The following STARD13 variants were observed in gnomAD, a reference collection of about 807,000 sequenced individuals.
STARD13 encodes StAR related lipid transfer domain containing 13.
Under a neutral mutation model 106.4 loss-of-function variants are expected in STARD13, and 62 were observed. That is an observed-to-expected ratio of 0.58 (90% CI 0.48 to 0.72). STARD13 has a LOEUF of 0.72. STARD13 is among the 30% of genes least tolerant of loss of function. The pLI is 0.00. For synonymous variants in STARD13, 565 were observed against 553.0 expected (o/e 1.02, Z -0.31); for missense variants, 1,387 against 1,424.0 (o/e 0.97, Z 0.42).
At chr13:33,216,968 G>A (rs1888081530) in intron 1 of STARD13, among the ~76,000 whole-genome samples, 1 of 152,182 alleles carries the variant, frequency 6.6e-6, no homozygotes, top group Admixed American at 6.5e-5. Context: ...TTAGTTTTGG[G>A]TTAAATGGAG....
chr13:33,220,361 A>C (rs747596678), intron 1 of STARD13, among the ~76,000 whole-genome samples: 41 of 152,340 alleles, frequency 2.7e-4, no homozygotes, highest in African/African-American at 4.1e-4. Context: ...TAGACAATGA[A>C]TATTAGCTAT....
chr13:33,560,910 C>T, the STARD13 span, among the ~76,000 whole-genome samples: 13 of 151,442 alleles, frequency 8.6e-5, no homozygotes, highest in Non-Finnish European at 1.8e-4. Context: ...ATTCTGCAAT[C>T]TGTTGACAAT....
chr13:33,600,388 A>G, the STARD13 span, among the ~76,000 whole-genome samples: 1 of 152,232 alleles, frequency 6.6e-6, no homozygotes, highest in Non-Finnish European at 1.5e-5. Flanking sequence ...TAATCCATGT[A>G]TTTAATTCTT....
the STARD13 span, among the ~76,000 whole-genome samples, chr13:33,595,898 TA>T: frequency 6.6e-6 from 1 of 152,192 alleles, no homozygotes; most frequent in Non-Finnish European, 1.5e-5. Context: ...GGATTTCTGC[TA>T]ATTGTCCTGA....
chr13:33,620,214 C>T, the STARD13 span, among the ~76,000 whole-genome samples: 1 of 151,902 alleles, frequency 6.6e-6, no homozygotes, highest in Non-Finnish European at 1.5e-5. Flanking sequence ...ATGCTATCAA[C>T]CCACAAGACC....
At chr13:33,219,536 A>T (rs1364106930) in intron 1 of STARD13, among the ~76,000 whole-genome samples, 4 of 150,342 alleles carry the variant, frequency 2.7e-5, no homozygotes, top group African/African-American at 9.8e-5. Flanking sequence ...AAAAAAAAAA[A>T]AAAAAAAAAA....
intron 1 of STARD13, among the ~76,000 whole-genome samples, chr13:33,308,520 C>CTTTTTTTTTT (rs552526416): frequency 3.1e-3 from 278 of 88,542 alleles, no homozygotes; most frequent in Non-Finnish European, 3.6e-3. Flanking sequence ...CTTTTTCTTT[C>CTTTTTTTTTT]TTTTTTTTTT....
intron 4 of STARD13, 57 bp downstream of exon 4, chr13:33,142,253 T>C (rs1360374549): frequency 1.2e-5 from 16 of 1,356,810 alleles, no homozygotes; most frequent in Non-Finnish European, 1.5e-5. Context: ...CAGATTGATC[T>C]CAAACTCCTG....
At chr13:33,324,554 G>A (rs1893671659) in intron 1 of STARD13, among the ~76,000 whole-genome samples, 1 of 152,114 alleles carries the variant, frequency 6.6e-6, no homozygotes. Flanking sequence ...AGCTATCACT[G>A]CTTTTCTATT....
At chr13:33,632,814 CT>C in the STARD13 span, among the ~76,000 whole-genome samples, 5,173 of 142,398 alleles carry the variant, frequency 0.036, 180 homozygotes, top group African/African-American at 0.097. Context: ...GTTCTATATT[CT>C]TTTTTTTTTT....
chr13:33,216,920 A>T (rs1001451154), intron 1 of STARD13, among the ~76,000 whole-genome samples: 1 of 152,174 alleles, frequency 6.6e-6, no homozygotes, highest in African/African-American at 2.4e-5. Context: ...TCCCTGGCCC[A>T]TCCCTTGGAA....
the STARD13 span, among the ~76,000 whole-genome samples, chr13:33,623,428 T>TAAAAAAAAAAAAAAAAA: frequency 1.7e-5 from 1 of 59,298 alleles, no homozygotes; most frequent in Non-Finnish European, 5.1e-5. Flanking sequence ...CTCAATAAAG[T>TAAAAAAAAAAAAAAAAA]AAAAAAAAAA....
chr13:33,278,994 G>C (rs1044894157), intron 1 of STARD13, among the ~76,000 whole-genome samples: 2 of 152,094 alleles, frequency 1.3e-5, no homozygotes, highest in African/African-American at 4.8e-5. Flanking sequence ...ATTGCTCCAA[G>C]GGAGACGGCA....
chr13:33,339,657 C>T (rs1465475459), intron 1 of STARD13, among the ~76,000 whole-genome samples: 3 of 152,212 alleles, frequency 2.0e-5, no homozygotes, highest in Non-Finnish European at 4.4e-5. Flanking sequence ...AGCCTCTCTT[C>T]TTTCTGTCTA....
chr13:33,335,247 T>C (rs933328308), intron 1 of STARD13: 1 of 152,232 alleles, frequency 6.6e-6, no homozygotes, highest in South Asian at 2.1e-4. Flanking sequence ...ATTACATTCA[T>C]AGACTAACAC....
At chr13:33,666,669 C>A in the STARD13 span, among the ~76,000 whole-genome samples, 1 of 152,060 alleles carries the variant, frequency 6.6e-6, no homozygotes, top group Non-Finnish European at 1.5e-5. Context: ...CGACTCACTG[C>A]AACCTCTGCT....
At chr13:33,621,873 T>C in the STARD13 span, among the ~76,000 whole-genome samples, 1 of 150,970 alleles carries the variant, frequency 6.6e-6, no homozygotes, top group Non-Finnish European at 1.5e-5. Context: ...GGCATGATCA[T>C]GGCTCACTGC....
chr13:33,421,593 T>C, the STARD13 span, among the ~76,000 whole-genome samples: 1 of 152,224 alleles, frequency 6.6e-6, no homozygotes, highest in East Asian at 1.9e-4. Context: ...TAACTCATTT[T>C]ATGAGGCCAA....
chr13:33,312,754 C>G (rs1027280691), intron 1 of STARD13, among the ~76,000 whole-genome samples: 3 of 152,152 alleles, frequency 2.0e-5, no homozygotes, highest in Admixed American at 6.5e-5. Flanking sequence ...AGAAACTCTG[C>G]TGATTGAGTA....
Sources: allele counts gnomAD v4.1 joint callset (sites outside exome capture counted in the v4.1 genomes callset), GRCh38; gene constraint gnomAD v4.1.1; transcripts MANE v1.5; gene names NCBI Gene and HGNC (gene_info 2026-07-23, HGNC 2026-07-21).